PCDHA4: variants seen among roughly 807,000 people sequenced by gnomAD.
The protein encoded by PCDHA4 is protocadherin alpha 4.
In PCDHA4, 49 loss-of-function variants were observed where a neutral mutation model predicts 61.4. The observed-to-expected ratio is 0.80, with a 90% confidence interval of 0.63 to 1.01. The LOEUF (loss-of-function observed/expected upper bound fraction) is 1.01. Ranked by LOEUF, PCDHA4 falls within the 50% of genes least tolerant of loss-of-function variation. PCDHA4 has a pLI of 0.00. For missense variants in PCDHA4, 1,254 were observed against 1,235.8 expected (o/e 1.01, Z -0.22); for synonymous variants, 590 against 550.3 (o/e 1.07, Z -1.01).
At chr5:140,836,491 C>G (rs2150261960) in intron 1 of PCDHA4, 33 of 1,613,882 alleles carry the variant, frequency 2.0e-5, no homozygotes, top group Admixed American at 3.3e-5. Context: ...CTGATCATCG[C>G]CATCTGCGCG....
At position 140,850,386 on chromosome 5, in the gene PCDHA4, A is replaced by G. The variant is rs2041574061; in HGVS notation, c.2385+40814A>G. ...CCGCGTGGGGCTGTACACGGGCGAGATCAGCACAACGCGTGCCCTGGACGA... is the reference window on the plus strand; with the variant it reads ...CCGCGTGGGGCTGTACACGGGCGAGGTCAGCACAACGCGTGCCCTGGACGA... On this transcript the variant is annotated intron_variant, in intron 1 of 3. Coordinates refer to ENST00000530339, the MANE Select transcript of PCDHA4 (RefSeq NM_018907.4). 1.3e-6 allele frequency: 2 copies of G among 1,597,858 alleles called. 1 individual carries two copies. Among genetic ancestry groups the G allele is most frequent in the South Asian group, 2.2e-5 (2 of 90,510 alleles).
chr5:140,863,274 G>A, intron 1 of PCDHA4: 1 of 1,461,698 alleles, frequency 6.8e-7, no homozygotes. Flanking sequence ...CAGCGCTGGT[G>A]GATGTCAACG....
intron 1 of PCDHA4, among the ~76,000 whole-genome samples, chr5:140,902,886 A>G (rs192404879): frequency 3.9e-5 from 6 of 152,276 alleles, no homozygotes; most frequent in Non-Finnish European, 7.4e-5. Flanking sequence ...TGCAAAAGCT[A>G]TTATTTTATT....
At chr5:140,985,884 C>T (rs1263620553) in intron 3 of PCDHA4, among the ~76,000 whole-genome samples, 4 of 151,722 alleles carry the variant, frequency 2.6e-5, no homozygotes, top group East Asian at 3.9e-4. Context: ...GGACTACAGG[C>T]GCCCGCCACC....
At chr5:140,811,159 G>A (rs553109730) in intron 1 of PCDHA4, 10 of 152,198 alleles carry the variant, frequency 6.6e-5, no homozygotes, top group African/African-American at 2.4e-4. Context: ...CCCTCCCCCA[G>A]TCCCCCACAC....
At chr5:140,952,471 A>G (rs1324501616) in intron 1 of PCDHA4, among the ~76,000 whole-genome samples, 2 of 152,204 alleles carry the variant, frequency 1.3e-5, no homozygotes, top group African/African-American at 2.4e-5. Context: ...AAGCATAAGG[A>G]AAGTGACATT....
intron 1 of PCDHA4, chr5:140,836,721 C>G: frequency 1.9e-6 from 3 of 1,612,166 alleles, no homozygotes; most frequent in Non-Finnish European, 2.5e-6. Context: ...TCCTCAGGGT[C>G]CATCCTCTAC....
At chr5:140,890,875 T>G (rs189226344) in intron 1 of PCDHA4, among the ~76,000 whole-genome samples, 106 of 152,318 alleles carry the variant, frequency 7.0e-4, no homozygotes, top group Non-Finnish European at 1.3e-3. Flanking sequence ...CCCTCTGACC[T>G]TTCATCAGGG....
In PCDHA4 at chr5:140,875,591, A is replaced by G. The variant is rs1438500941; in HGVS notation, c.2385+66019A>G. ...CACTACTCCGTCTACGAGGAGGCCAAACACGGCACCTTCGTGGGCCGCATC... is the reference window on the plus strand; with the variant it reads ...CACTACTCCGTCTACGAGGAGGCCAGACACGGCACCTTCGTGGGCCGCATC... On this transcript the variant is annotated intron_variant, in intron 1 of 3. Coordinates refer to ENST00000530339, the MANE Select transcript of PCDHA4 (RefSeq NM_018907.4). The G allele has an allele frequency of 9.3e-6, 15 of 1,613,878 alleles. No homozygotes were observed. The highest frequency in any genetic ancestry group is 1.7e-5 in the Admixed American group (1 of 60,004).
In PCDHA4 at chr5:140,846,411, A is replaced by G. The variant is rs2150390591; in HGVS notation, c.2385+36839A>G. On this transcript the variant is annotated intron_variant, in intron 1 of 3. Transcript: ENST00000530339. ...TTTTTTTGAGACGGAGTCTCGCTCT[A>G]TCTCCCAGGCTGGAATGCAGTGGCG... is the stretch of plus-strand genomic sequence containing the variant. Among the ~76,000 whole-genome samples the G allele has an allele frequency of 5.5e-3, 604 of 109,334 alleles. 20 individuals are homozygous for G. The highest frequency in any genetic ancestry group is 0.021 in the African/African-American group (587 of 27,602). 71.7% of individuals were successfully genotyped at this position (109,334 alleles called of 152,430 possible). A position where few individuals can be genotyped will look rare whatever the true frequency, so the allele number is the denominator to read the frequency against.
intron 1 of PCDHA4, chr5:140,849,234 T>C: frequency 2.9e-6 from 3 of 1,050,956 alleles, no homozygotes; most frequent in Non-Finnish European, 4.0e-6. Flanking sequence ...CAGAACCCTG[T>C]ATACGGTGAA....
At position 140,807,705 on chromosome 5, in the gene PCDHA4, G is replaced by T; in HGVS notation, c.518G>T (p.Ser173Ile). Residue 173 changes from serine to isoleucine, a missense_variant, in exon 1 of 4, where the codon AGC (serine) becomes ATC (isoleucine). Coordinates refer to ENST00000530339, the MANE Select transcript of PCDHA4 (RefSeq NM_018907.4). ...AACGCCCTGCTCACTTACAGACTGA[G>T]CCCAAATGAATACTTTTCTCTGGAA... ...GENALLTYRL[S>I]PNEYFSLEKP... 1.2e-6 allele frequency: 2 copies of T among 1,614,218 alleles called. No homozygotes were observed. Among genetic ancestry groups the T allele is most frequent in the Non-Finnish European group, 1.7e-6 (2 of 1,180,032 alleles).
intron 1 of PCDHA4, among the ~76,000 whole-genome samples, chr5:140,820,388 C>T (rs1283833514): frequency 1.3e-5 from 2 of 151,816 alleles, no homozygotes; most frequent in African/African-American, 4.8e-5. Flanking sequence ...TTTCTTTTTT[C>T]TTATCAAGCT....
At chr5:140,822,751 A>G in intron 1 of PCDHA4, 1 of 1,613,920 alleles carries the variant, frequency 6.2e-7, no homozygotes, top group Non-Finnish European at 8.5e-7. Context: ...GGATAAAAGT[A>G]CATTCCCATT....
At chr5:140,846,565 G>A (rs1349132740) in intron 1 of PCDHA4, among the ~76,000 whole-genome samples, 1 of 147,896 alleles carries the variant, frequency 6.8e-6, no homozygotes, top group African/African-American at 2.5e-5. Flanking sequence ...TAGTAGAGTC[G>A]GGGTTTCACC....
chr5:140,882,608 C>T (rs748674238), intron 1 of PCDHA4: 20 of 1,614,132 alleles, frequency 1.2e-5, no homozygotes, highest in Non-Finnish European at 1.7e-5. Flanking sequence ...GGACAGGCCT[C>T]TGCAGGTTTT....
chr5:140,955,641 A>G (rs173471), intron 1 of PCDHA4, among the ~76,000 whole-genome samples: 85,644 of 151,978 alleles, frequency 0.56, 24,753 homozygotes, highest in African/African-American at 0.69. Flanking sequence ...TGTGAGAACA[A>G]ATTAATACAC....
chr5:140,978,820 TG>T, intron 1 of PCDHA4, 128 bp from the exon 2 acceptor site: 2 of 1,517,498 alleles, frequency 1.3e-6, no homozygotes, highest in Non-Finnish European at 1.8e-6. Flanking sequence ...GAGTTACACA[TG>T]AAATGGCTCA....
At chr5:140,976,688 G>T (rs1343503965) in intron 1 of PCDHA4, among the ~76,000 whole-genome samples, 2 of 152,118 alleles carry the variant, frequency 1.3e-5, no homozygotes, top group East Asian at 3.8e-4. Context: ...TGCAATTTAA[G>T]TACAATAATG....
Sources: gnomAD v4.1 joint callset for allele counts (sites outside exome capture counted in the v4.1 genomes callset) on GRCh38, gnomAD v4.1.1 for gene constraint, MANE v1.5 for transcripts, NCBI Gene and HGNC (gene_info 2026-07-23, HGNC 2026-07-21) for gene names.